The following LRP1B variants were observed in gnomAD, a reference collection of about 807,000 sequenced individuals.
LRP1B encodes low-density lipoprotein receptor-related protein 1B.
A neutral mutation model predicts 556.6 loss-of-function variants in LRP1B; 217 were observed. That is an observed-to-expected ratio of 0.39 (90% confidence interval 0.35 to 0.44). The LOEUF (loss-of-function observed/expected upper bound fraction) is 0.44. Ranked by LOEUF, LRP1B falls within the 20% of genes least tolerant of loss-of-function variation. LRP1B has a pLI of 1.00. For missense variants in LRP1B, 5,053 were observed against 5,620.8 expected (o/e 0.90, Z 3.23); for synonymous variants, 2,047 against 1,865.8 (o/e 1.10, Z -2.50).
chr2:141,784,469 C>T (rs1294432061), intron 2 of LRP1B, among the ~76,000 whole-genome samples: 1 of 151,834 alleles, frequency 6.6e-6, no homozygotes. Context: ...CTAGTTATTC[C>T]AATAAGAGTA....
intron 7 of LRP1B, among the ~76,000 whole-genome samples, chr2:141,142,334 C>T (rs1701673050): frequency 6.6e-6 from 1 of 152,158 alleles, no homozygotes. Flanking sequence ...TTGCAAACAT[C>T]GGCTTCAGTT....
In LRP1B at chr2:141,247,413, C is replaced by T. The variant is rs1684107799; in HGVS notation, c.464-59G>A. Reference sequence around the variant, plus strand: ...CTTTATCTTGGGCACTTTTTTTTCTCCTTGAAGAAAATATTATTTTTGAAC... The same window carrying T: ...CTTTATCTTGGGCACTTTTTTTTCTTCTTGAAGAAAATATTATTTTTGAAC... On this transcript the variant is annotated intron_variant, in intron 4 of 90. Coordinates refer to ENST00000389484, the MANE Select transcript of LRP1B (RefSeq NM_018557.3). The T allele has an allele frequency of 7.0e-6, 11 of 1,576,074 alleles. No individual in the cohort carries two copies. In the South Asian group the frequency reaches 1.0e-4, roughly 15 times the overall value.
At chr2:140,570,315 C>A (rs1208017557) in intron 43 of LRP1B, among the ~76,000 whole-genome samples, 3 of 150,014 alleles carry the variant, frequency 2.0e-5, no homozygotes, top group Admixed American at 6.6e-5. Context: ...AAACAAAAGA[C>A]CCCAAAAATC....
At chr2:140,308,424 T>C (rs1466269469) in intron 83 of LRP1B, among the ~76,000 whole-genome samples, 2 of 151,820 alleles carry the variant, frequency 1.3e-5, no homozygotes, top group Non-Finnish European at 2.9e-5. Context: ...GAGCTTTCTG[T>C]GACATAGTGA....
At position 140,442,493 on chromosome 2, in the gene LRP1B, C is replaced by T. The variant is rs2105301032; in HGVS notation, c.10414+11G>A. 2 of 1,609,704 alleles carry T rather than the reference C, an allele frequency of 1.2e-6. No individual in the cohort carries two copies. Among genetic ancestry groups the T allele is most frequent in the Non-Finnish European group, 1.7e-6 (2 of 1,178,290 alleles). On this transcript the variant is annotated intron_variant, in intron 66 of 90. Coordinates refer to ENST00000389484, the MANE Select transcript of LRP1B (RefSeq NM_018557.3). ...TACGGAGAGATAAGACCCAGAGTCACAGACACTCACCGCAGTTGGCCTCGT... is the reference window on the plus strand; with the variant it reads ...TACGGAGAGATAAGACCCAGAGTCATAGACACTCACCGCAGTTGGCCTCGT...
chr2:141,744,861 G>T (rs560249425), intron 2 of LRP1B, among the ~76,000 whole-genome samples: 1 of 152,276 alleles, frequency 6.6e-6, no homozygotes, highest in Admixed American at 6.5e-5. Flanking sequence ...GTATTCAAAA[G>T]CACTTGGGTA....
At chr2:141,702,070 G>A (rs1297712790) in intron 2 of LRP1B, among the ~76,000 whole-genome samples, 2 of 151,884 alleles carry the variant, frequency 1.3e-5, no homozygotes, top group East Asian at 3.9e-4. Context: ...AGAAGGAACT[G>A]GGGAATATCC....
chr2:140,977,551 C>T (rs1696641040), intron 18 of LRP1B, among the ~76,000 whole-genome samples: 1 of 152,138 alleles, frequency 6.6e-6, no homozygotes, highest in Non-Finnish European at 1.5e-5. Flanking sequence ...GTACAAGGAT[C>T]AGCATTAATT....
chr2:142,073,009 G>A (rs1325422658), intron 1 of LRP1B, among the ~76,000 whole-genome samples: 1 of 151,982 alleles, frequency 6.6e-6, no homozygotes, highest in African/African-American at 2.4e-5. Context: ...TGCAGATAAG[G>A]ATAATGTTAA....
intron 7 of LRP1B, among the ~76,000 whole-genome samples, chr2:141,093,304 C>T (rs1011712718): frequency 1.3e-5 from 2 of 151,916 alleles, no homozygotes; most frequent in East Asian, 1.9e-4. Flanking sequence ...TGGAAGTCCT[C>T]GTCTGTTGCA....
At chr2:141,974,411 G>C (rs1701826349) in intron 1 of LRP1B, among the ~76,000 whole-genome samples, 1 of 151,938 alleles carries the variant, frequency 6.6e-6, no homozygotes, top group Non-Finnish European at 1.5e-5. Flanking sequence ...GAAGATTTAA[G>C]GTTTTCTGCT....
chr2:142,098,555 A>G (rs764765805), intron 1 of LRP1B, among the ~76,000 whole-genome samples: 5 of 151,706 alleles, frequency 3.3e-5, no homozygotes, highest in African/African-American at 7.2e-5. Context: ...CCCATTTTCA[A>G]TTTTAGGACT....
chr2:140,629,316 C>A (rs927619247), intron 41 of LRP1B, among the ~76,000 whole-genome samples: 48 of 152,134 alleles, frequency 3.2e-4, no homozygotes, highest in African/African-American at 1.1e-3. Flanking sequence ...GATCCACCCC[C>A]CTTGGCCTCC....
Position 140,612,801 on chromosome 2 carries a change from C to A in LRP1B, c.6800-11162G>T, listed in dbSNP as rs564814103. On this transcript the variant is annotated intron_variant, in intron 41 of 90. Coordinates refer to ENST00000389484, the MANE Select transcript of LRP1B (RefSeq NM_018557.3). ...TCAACTCTTATGCCTTTCTATACAT[C>A]ATAATTCTCTTGATATTGGGGCATT... Among the ~76,000 whole-genome samples, 4 of 152,204 alleles carry A rather than the reference C, an allele frequency of 2.6e-5. No individual in the cohort carries two copies. The South Asian group carries it at 8.3e-4, about 32-fold the overall frequency.
chr2:141,955,264 C>A (rs1453420229), intron 1 of LRP1B, among the ~76,000 whole-genome samples: 1 of 152,104 alleles, frequency 6.6e-6, no homozygotes, highest in East Asian at 1.9e-4. Flanking sequence ...CATCATCTCC[C>A]TGAATTTCTT....
chr2:142,099,861 A>G (rs994994411), intron 1 of LRP1B, among the ~76,000 whole-genome samples: 5 of 151,954 alleles, frequency 3.3e-5, no homozygotes, highest in Non-Finnish European at 7.4e-5. Context: ...TAAATTACCC[A>G]TAGTAAAAAG....
chr2:141,411,197 T>C (rs946641318), intron 3 of LRP1B, among the ~76,000 whole-genome samples: 1 of 152,080 alleles, frequency 6.6e-6, no homozygotes, highest in Non-Finnish European at 1.5e-5. Context: ...AAATAAGGAA[T>C]GATAGGTTAG....
At position 141,174,074 on chromosome 2, in the gene LRP1B, C is replaced by T. The variant is rs185335064; in HGVS notation, c.1013+14347G>A. Among the ~76,000 whole-genome samples the T allele has an allele frequency of 7.3e-5, 11 of 151,620 alleles. No homozygotes were observed. The East Asian group carries it at 2.1e-3, about 29-fold the overall frequency. ...AAGCACTACATTTATTCAGAGTATG[C>T]TCCAAAAGAAAAAAAAAGATAAATG... On this transcript the variant is annotated intron_variant, in intron 7 of 90. Coordinates refer to ENST00000389484, the MANE Select transcript of LRP1B (RefSeq NM_018557.3).
At chr2:141,651,438 C>G (rs1181437140) in intron 2 of LRP1B, among the ~76,000 whole-genome samples, 1 of 152,078 alleles carries the variant, frequency 6.6e-6, no homozygotes, top group African/African-American at 2.4e-5. Flanking sequence ...CGGAGGCAGG[C>G]AGATCACTTG....
Sources: allele counts gnomAD v4.1 joint callset (sites outside exome capture counted in the v4.1 genomes callset), GRCh38; gene constraint gnomAD v4.1.1; transcripts MANE v1.5; gene names NCBI Gene and HGNC (gene_info 2026-07-23, HGNC 2026-07-21).